Variants in TDP1 observed in about 807,000 individuals in gnomAD.
The protein encoded by TDP1 is tyrosyl-DNA phosphodiesterase 1, also known as tyr-DNA phosphodiesterase 1.
TDP1 carries 64 observed loss-of-function variants against 81.5 expected under a neutral mutation model. The observed-to-expected ratio is 0.79, with a 90% CI of 0.64 to 0.97. The LOEUF is 0.97. TDP1 is among the 50% of genes least tolerant of loss of function. The pLI, the probability that TDP1 is intolerant of heterozygous loss-of-function variation, is 0.00. For missense variants in TDP1, 723 were observed against 743.8 expected (o/e 0.97, Z 0.33); for synonymous variants, 256 against 264.3 (o/e 0.97, Z 0.30).
At position 90,043,118 on chromosome 14, in the gene TDP1, A is replaced by G. The variant is rs144917055; in HGVS notation, c.1802A>G (p.His601Arg). 22 of 1,614,078 alleles carry G rather than the reference A, an allele frequency of 1.4e-5. No individual in the cohort carries two copies. The highest frequency in any genetic ancestry group is 2.7e-5 in the African/African-American group (2 of 74,930). The change falls in exon 17 of 17, where the codon CAT (histidine) becomes CGT (arginine). Residue 601 changes from histidine (H) to arginine (R), a missense_variant. Physicochemically the swap from His to Arg is conservative, Grantham distance 29. Transcript: ENST00000335725. ...CCTTATGTCAAAGCACCGGATACGC[A>G]TGGGAACATGTGGGTGCCCTCCTGA... ...NIPYVKAPDTHGNMWVPS is the reference protein window; with the variant it reads ...NIPYVKAPDTRGNMWVPS
intron 15 of TDP1, among the ~76,000 whole-genome samples, chr14:90,020,818 CAG>C (rs1885997985): frequency 7.6e-6 from 1 of 131,242 alleles, no homozygotes; most frequent in East Asian, 2.2e-4. Flanking sequence ...TTTTTTTAGA[CAG>C]AGTCTCGCTC....
chr14:89,982,804 A>G (rs1490128444), intron 8 of TDP1, among the ~76,000 whole-genome samples: 1 of 151,838 alleles, frequency 6.6e-6, no homozygotes, highest in Non-Finnish European at 1.5e-5. Context: ...CCTATATTCT[A>G]CTCTCTAATG....
chr14:90,009,332 A>G (rs770890941), intron 14 of TDP1, among the ~76,000 whole-genome samples: 1 of 152,214 alleles, frequency 6.6e-6, no homozygotes, highest in Admixed American at 6.5e-5. Context: ...CAGGTGGAAG[A>G]AAAGGAGTGA....
In TDP1 at chr14:89,991,847, AT is replaced by A. The variant is rs1896217869; in HGVS notation, c.1367-66del. On this transcript the variant is annotated intron_variant, in intron 12 of 16. Coordinates refer to ENST00000335725, the MANE Select transcript of TDP1 (RefSeq NM_018319.4). ...GTTACCTTCTTGCTGTTTATTGTAG[AT>A]TTTCCTCTTAATGAGGGATCCTCAA... is the stretch of plus-strand genomic sequence containing the variant. 4 of 1,460,506 alleles carry A rather than the reference AT, an allele frequency of 2.7e-6. No individual in the cohort carries two copies. The African/African-American group carries it at 4.3e-5, about 16-fold the overall frequency. The allele number at this position is 1,460,506 out of a possible 1,614,324, so 90.5% of individuals were successfully genotyped here.
chr14:90,018,988 A>G (rs1299130094), intron 14 of TDP1: 1 of 981,068 alleles, frequency 1.0e-6, no homozygotes, highest in Non-Finnish European at 1.2e-6. Flanking sequence ...AAAACCAGAA[A>G]TCCTGGCTAC....
intron 2 of TDP1, chr14:89,958,440 G>T (rs1016143482): frequency 1.3e-5 from 2 of 152,314 alleles, no homozygotes; most frequent in Non-Finnish European, 1.5e-5. Context: ...GCAGAGACGG[G>T]ACCCCAAGTG....
chr14:90,027,274 C>T (rs549086736), intron 15 of TDP1, among the ~76,000 whole-genome samples: 1 of 152,118 alleles, frequency 6.6e-6, no homozygotes, highest in African/African-American at 2.4e-5. Context: ...CCTTCTCTCT[C>T]CCCTGGATGA....
chr14:90,005,355 G>A (rs554643731), intron 14 of TDP1, among the ~76,000 whole-genome samples: 2 of 152,162 alleles, frequency 1.3e-5, no homozygotes, highest in South Asian at 2.1e-4. Context: ...AGAGATACTC[G>A]CCCTTGTTTG....
At chr14:90,032,646 TTCTGTCACA>T in intron 15 of TDP1, 1 of 719,266 alleles carries the variant, frequency 1.4e-6, no homozygotes, top group Non-Finnish European at 1.7e-6. Context: ...ATTTTTATAC[TTCTGTCACA>T]TTATATTGGA....
chr14:89,976,555 T>TTTTA (rs1555385708), intron 7 of TDP1, among the ~76,000 whole-genome samples: 4 of 132,874 alleles, frequency 3.0e-5, no homozygotes, highest in East Asian at 2.1e-4. Flanking sequence ...TTTTTTTTTT[T>TTTTA]AGACAGAGTC....
intron 15 of TDP1, among the ~76,000 whole-genome samples, chr14:90,028,554 C>G (rs1886911168): frequency 6.6e-6 from 1 of 152,194 alleles, no homozygotes; most frequent in Non-Finnish European, 1.5e-5. Context: ...TCTTAACTGT[C>G]TTCTAAGTAT....
At chr14:90,013,592 C>G (rs1406751710) in intron 14 of TDP1, among the ~76,000 whole-genome samples, 1 of 152,114 alleles carries the variant, frequency 6.6e-6, no homozygotes, top group Non-Finnish European at 1.5e-5. Flanking sequence ...AATTATCCAG[C>G]CTCGGGTATG....
chr14:89,977,396 C>A (rs1265471625), intron 7 of TDP1, among the ~76,000 whole-genome samples: 1 of 152,094 alleles, frequency 6.6e-6, no homozygotes, highest in Non-Finnish European at 1.5e-5. Flanking sequence ...CTCCCAGGTT[C>A]AAGCAATTCT....
At chr14:89,999,535 A>T (rs755563763) in intron 14 of TDP1, among the ~76,000 whole-genome samples, 10 of 152,222 alleles carry the variant, frequency 6.6e-5, no homozygotes, top group Non-Finnish European at 1.3e-4. Context: ...ATCCGTATTA[A>T]TGTTTGGGTT....
At chr14:89,989,526 C>A in intron 11 of TDP1, 191 bp from the exon 12 acceptor site, 2 of 768,176 alleles carry the variant, frequency 2.6e-6, no homozygotes, top group Non-Finnish European at 3.2e-6. Context: ...TATAATTTTA[C>A]ATCAAATATG....
intron 12 of TDP1, among the ~76,000 whole-genome samples, chr14:89,990,596 C>T (rs896374618): frequency 7.4e-5 from 10 of 135,842 alleles, no homozygotes; most frequent in East Asian, 2.1e-4. Flanking sequence ...ATTACTTCAC[C>T]GAGACCCAGG....
chr14:89,981,609 A>G (rs1386178332), intron 8 of TDP1: 4 of 384,106 alleles, frequency 1.0e-5, no homozygotes, highest in Middle Eastern at 3.9e-4. Flanking sequence ...GCCCCATATC[A>G]TTGCCTAGCT....
chr14:90,029,561 C>G (rs140911040), intron 15 of TDP1, among the ~76,000 whole-genome samples: 25 of 146,852 alleles, frequency 1.7e-4, no homozygotes, highest in African/African-American at 6.4e-4. Context: ...TACAGTGGCT[C>G]GATCTCGGCT....
chr14:90,029,671 G>A (rs762107166), intron 15 of TDP1, among the ~76,000 whole-genome samples: 1 of 151,344 alleles, frequency 6.6e-6, no homozygotes, highest in Non-Finnish European at 1.5e-5. Flanking sequence ...ACTAATTTTT[G>A]TATTTTTAGT....
Sources: gnomAD v4.1 joint callset for allele counts (sites outside exome capture counted in the v4.1 genomes callset) on GRCh38, gnomAD v4.1.1 for gene constraint, MANE v1.5 for transcripts, NCBI Gene and HGNC (gene_info 2026-07-23, HGNC 2026-07-21) for gene names.